Variants in ARL15 observed in about 807,000 individuals in gnomAD.
The protein encoded by ARL15 is ARF like GTPase 15.
Under a neutral mutation model 25.2 loss-of-function variants are expected in ARL15, and 19 were observed. That is an observed-to-expected ratio of 0.75 (90% CI 0.53 to 1.10). The LOEUF (loss-of-function observed/expected upper bound fraction) is 1.10. ARL15 is among the 50% of genes least tolerant of loss of function. The pLI, the probability that ARL15 is intolerant of heterozygous loss-of-function variation, is 0.00. For missense variants in ARL15, 220 were observed against 246.0 expected (o/e 0.89, Z 0.71); for synonymous variants, 94 against 86.8 (o/e 1.08, Z -0.46).
intron 4 of ARL15, among the ~76,000 whole-genome samples, chr5:53,992,746 T>C (rs1256315149): frequency 1.3e-5 from 2 of 152,200 alleles, no homozygotes; most frequent in Non-Finnish European, 2.9e-5. Context: ...ACAATGGCTG[T>C]ACAGTATTGG....
chr5:54,100,951 C>T (rs144695481), intron 4 of ARL15, among the ~76,000 whole-genome samples: 33 of 151,944 alleles, frequency 2.2e-4, no homozygotes, highest in African/African-American at 7.2e-4. Context: ...ATCATTCAGG[C>T]TGATTATTAA....
intron 3 of ARL15, among the ~76,000 whole-genome samples, chr5:54,116,951 T>C (rs1752917795): frequency 6.6e-6 from 1 of 152,116 alleles, no homozygotes; most frequent in Admixed American, 6.5e-5. Context: ...GAACAAAAGG[T>C]AAGTTAATGC....
At chr5:54,101,250 ATATTTTTC>A (rs899679821) in intron 4 of ARL15, among the ~76,000 whole-genome samples, 1 of 152,122 alleles carries the variant, frequency 6.6e-6, no homozygotes, top group Non-Finnish European at 1.5e-5. Context: ...TAAATAACAT[ATATTTTTC>A]AGTTCGGCTT....
chr5:54,015,844 A>G (rs1303211757), intron 4 of ARL15, among the ~76,000 whole-genome samples: 3 of 152,184 alleles, frequency 2.0e-5, no homozygotes, highest in Non-Finnish European at 4.4e-5. Flanking sequence ...CTATACTTTT[A>G]TAAAGGAAAG....
At chr5:54,193,922 T>C (rs1354687902) in intron 1 of ARL15, among the ~76,000 whole-genome samples, 1 of 152,002 alleles carries the variant, frequency 6.6e-6, no homozygotes, top group Non-Finnish European at 1.5e-5. Context: ...AACTGAATAA[T>C]TGGGGGCTAG....
intron 4 of ARL15, chr5:53,912,026 A>G (rs1745479170): frequency 6.7e-6 from 1 of 150,310 alleles, no homozygotes; most frequent in South Asian, 2.1e-4. Context: ...TTTTTTTTTA[A>G]TGGAATACTT....
intron 1 of ARL15, among the ~76,000 whole-genome samples, chr5:54,227,883 G>A (rs1295409175): frequency 6.6e-6 from 1 of 152,206 alleles, no homozygotes; most frequent in Non-Finnish European, 1.5e-5. Context: ...TGGTCTCTGG[G>A]TGTGCAGAAG....
chr5:53,945,145 G>T (rs1174274189), intron 4 of ARL15, among the ~76,000 whole-genome samples: 2 of 152,162 alleles, frequency 1.3e-5, no homozygotes, highest in African/African-American at 4.8e-5. Context: ...TCAAAGTCCT[G>T]CCTCATGTGA....
At chr5:54,243,011 T>C (rs1170959679) in intron 1 of ARL15, among the ~76,000 whole-genome samples, 1 of 152,200 alleles carries the variant, frequency 6.6e-6, no homozygotes, top group Non-Finnish European at 1.5e-5. Context: ...CCTGTCCCAG[T>C]ATGAAAAACA....
At chr5:54,139,889 C>T (rs1753720058) in intron 3 of ARL15, among the ~76,000 whole-genome samples, 1 of 152,034 alleles carries the variant, frequency 6.6e-6, no homozygotes, top group South Asian at 2.1e-4. Context: ...CAGAGATACA[C>T]CTAAAGACTT....
chr5:54,155,821 C>T (rs1049090763), intron 2 of ARL15, among the ~76,000 whole-genome samples: 1 of 151,998 alleles, frequency 6.6e-6, no homozygotes, highest in South Asian at 2.1e-4. Flanking sequence ...GAGGAAGATT[C>T]TTTTGTTTCA....
At chr5:53,933,162 A>G (rs1746244782) in intron 4 of ARL15, among the ~76,000 whole-genome samples, 2 of 152,148 alleles carry the variant, frequency 1.3e-5, no homozygotes, top group Admixed American at 1.3e-4. Flanking sequence ...AACCCTACCC[A>G]ACTGTGCTTC....
At chr5:53,999,654 T>C (rs1338987356) in intron 4 of ARL15, among the ~76,000 whole-genome samples, 2 of 152,134 alleles carry the variant, frequency 1.3e-5, no homozygotes, top group Non-Finnish European at 2.9e-5. Flanking sequence ...GGCTCACACC[T>C]GTAATCCCAG....
intron 4 of ARL15, among the ~76,000 whole-genome samples, chr5:53,899,263 G>A (rs1014998582): frequency 2.0e-5 from 3 of 146,600 alleles, no homozygotes; most frequent in South Asian, 2.2e-4. Flanking sequence ...CAGGAGAATC[G>A]CTTGAACCTG....
intron 1 of ARL15, among the ~76,000 whole-genome samples, chr5:54,298,102 T>C (rs748349109): frequency 7.2e-5 from 11 of 152,164 alleles, no homozygotes; most frequent in Non-Finnish European, 5.9e-5. Context: ...ACTTTCTATG[T>C]GCCCTTCCTT....
intron 4 of ARL15, among the ~76,000 whole-genome samples, chr5:54,091,138 A>G (rs1479916221): frequency 6.6e-6 from 1 of 152,138 alleles, no homozygotes; most frequent in Non-Finnish European, 1.5e-5. Flanking sequence ...TTTCTTCCAC[A>G]CTTTGGAAAT....
intron 4 of ARL15, among the ~76,000 whole-genome samples, chr5:53,923,827 TGCACTCCAGCCTGG>T (rs1437285930): frequency 1.3e-5 from 2 of 152,056 alleles, no homozygotes; most frequent in African/African-American, 4.8e-5. Context: ...GTTGCGCCAC[TGCACTCCAGCCTGG>T]GCAACAGAGC....
intron 1 of ARL15, among the ~76,000 whole-genome samples, chr5:54,243,955 T>C (rs1340127436): frequency 6.6e-6 from 1 of 152,202 alleles, no homozygotes; most frequent in Non-Finnish European, 1.5e-5. Flanking sequence ...TGAGCAAGTA[T>C]GGGCTGGAAT....
chr5:54,132,148 T>G (rs1306572348), intron 3 of ARL15, among the ~76,000 whole-genome samples: 2 of 152,134 alleles, frequency 1.3e-5, no homozygotes, highest in Admixed American at 6.6e-5. Flanking sequence ...TATTTTAATA[T>G]GCCAATATGT....
Sources: allele counts gnomAD v4.1 joint callset (sites outside exome capture counted in the v4.1 genomes callset), GRCh38; gene constraint gnomAD v4.1.1; transcripts MANE v1.5; gene names NCBI Gene and HGNC (gene_info 2026-07-23, HGNC 2026-07-21).